Variants in CELF2 observed in about 807,000 individuals in gnomAD.
CELF2 encodes the protein CUG triplet repeat RNA-binding protein 2.
In CELF2, 8 loss-of-function variants were observed where a neutral mutation model predicts 62.6. The ratio of observed to expected loss-of-function variants is 0.13; its 90% CI spans 0.07 to 0.23. The LOEUF is 0.23. CELF2 is among the 10% of genes least tolerant of loss of function. The pLI is 1.00. For synonymous variants in CELF2, 258 were observed against 250.0 expected (o/e 1.03, Z -0.30); for missense variants, 333 against 671.0 (o/e 0.50, Z 5.56).
At chr10:11,067,089 C>G (rs999255544) in intron 1 of CELF2, among the ~76,000 whole-genome samples, 1 of 152,126 alleles carries the variant, frequency 6.6e-6, no homozygotes, top group African/African-American at 2.4e-5. Context: ...TAATGTCACT[C>G]TAGCTTTTTT....
At position 10,993,170 on chromosome 10, in the gene CELF2, C is replaced by T. The variant is rs1000899064; in HGVS notation, c.89+73171C>T. 7.2e-5 allele frequency among the ~76,000 whole-genome samples: 11 copies of T among 152,068 alleles called. No homozygotes were observed. Among genetic ancestry groups the T allele is most frequent in the African/African-American group, 2.6e-4 (11 of 41,530 alleles). ...GATCAGTAATAAGGTGTATGAGCTA[C>T]AAAATAACTGTTGCTTCCCTTCTGT... On this transcript the variant is annotated intron_variant, in intron 2 of 13. Coordinates refer to the CELF2 transcript ENST00000636488. The surrounding 1 kb of genome is among the most constrained non-coding windows in gnomAD (Gnocchi z 5.3).
intron 1 of CELF2, among the ~76,000 whole-genome samples, chr10:11,154,975 T>A (rs973006312): frequency 1.3e-5 from 2 of 152,194 alleles, no homozygotes; most frequent in Non-Finnish European, 2.9e-5. Flanking sequence ...GTTGTTGCAT[T>A]GAATGACAGC....
chr10:10,689,190 A>G, the CELF2 span, among the ~76,000 whole-genome samples: 4 of 152,192 alleles, frequency 2.6e-5, no homozygotes, highest in African/African-American at 9.7e-5. Flanking sequence ...CAGATTTAAC[A>G]GGAAGCATTA....
At chr10:10,809,739 T>C (rs1459106964) in intron 1 of CELF2, among the ~76,000 whole-genome samples, 1 of 152,344 alleles carries the variant, frequency 6.6e-6, no homozygotes, top group East Asian at 1.9e-4. Flanking sequence ...GCAAACATTA[T>C]GAAACAATTA....
At chr10:10,507,562 T>A in the CELF2 span, among the ~76,000 whole-genome samples, 1 of 152,046 alleles carries the variant, frequency 6.6e-6, no homozygotes, top group Non-Finnish European at 1.5e-5. Context: ...ATTAGCATGA[T>A]CCCACTAGCT....
At chr10:10,902,988 G>A (rs77775637) in intron 1 of CELF2, among the ~76,000 whole-genome samples, 4,936 of 151,760 alleles carry the variant, frequency 0.033, 279 homozygotes, top group African/African-American at 0.11. Flanking sequence ...GAGGAAGAAA[G>A]GAGAGGAAAG....
intron 1 of CELF2, among the ~76,000 whole-genome samples, chr10:10,907,866 C>G (rs1244014164): frequency 6.6e-6 from 1 of 152,058 alleles, no homozygotes; most frequent in Non-Finnish European, 1.5e-5. Flanking sequence ...TGATGGATAC[C>G]ACATTTAATC....
chr10:11,205,324 T>A (rs1286192214), intron 2 of CELF2, among the ~76,000 whole-genome samples: 1 of 152,188 alleles, frequency 6.6e-6, no homozygotes, highest in Non-Finnish European at 1.5e-5. Context: ...GTTATAAAAG[T>A]GGAGTAAAGC....
At chr10:10,675,523 A>T in the CELF2 span, among the ~76,000 whole-genome samples, 41,413 of 151,832 alleles carry the variant, frequency 0.27, 6,106 homozygotes, top group South Asian at 0.52. Context: ...TGTCTGACAT[A>T]AATTTAGGGA....
At position 10,997,650 on chromosome 10, in the gene CELF2, T is replaced by C. The variant is rs2054101243; in HGVS notation, c.89+77651T>C. ...GAAAGGGAGTTGCTTGTGCCTTTGCTTCCTCTAAAAATAGCAAGAATAAAT... is the reference window on the plus strand; with the variant it reads ...GAAAGGGAGTTGCTTGTGCCTTTGCCTCCTCTAAAAATAGCAAGAATAAAT... On this transcript the variant is annotated intron_variant, in intron 2 of 13. Transcript: ENST00000636488. This position sits in a 1 kb window ranked among gnomAD's most constrained non-coding sequence, Gnocchi z 5.3. Among the ~76,000 whole-genome samples, 1 of 152,216 alleles carries C rather than the reference T, an allele frequency of 6.6e-6. No homozygotes were observed. The highest frequency in any genetic ancestry group is 2.1e-4 in the South Asian group (1 of 4,828).
rs531376174 is a variant in CELF2 at position 10,962,386 on chromosome 10, G to A, written c.89+42387G>A. Among the ~76,000 whole-genome samples the A allele has an allele frequency of 3.3e-5, 5 of 152,296 alleles. No individual in the cohort carries two copies. The South Asian group carries it at 1.0e-3, about 32-fold the overall frequency. On this transcript the variant is annotated intron_variant, in intron 2 of 13. Transcript: ENST00000636488. ...TAAGACCAGAATTCTGCCCTAAGGG[G>A]CTTTTGTGCTTGAAGTATCAAACAA...
chr10:11,229,923 G>A (rs901248367), intron 3 of CELF2, among the ~76,000 whole-genome samples: 26 of 152,160 alleles, frequency 1.7e-4, no homozygotes, highest in African/African-American at 5.8e-4. Flanking sequence ...TGATTCCAGT[G>A]TGCAGGCAAG....
chr10:11,310,118 C>T (rs544493697), intron 9 of CELF2, among the ~76,000 whole-genome samples: 3 of 152,198 alleles, frequency 2.0e-5, no homozygotes, highest in Admixed American at 1.3e-4. Context: ...TAGCGTAGAG[C>T]TTCCCCTCCA....
the CELF2 span, among the ~76,000 whole-genome samples, chr10:10,679,842 T>TC: frequency 6.6e-6 from 1 of 152,230 alleles, no homozygotes; most frequent in Non-Finnish European, 1.5e-5. Flanking sequence ...TATTCCTTTT[T>TC]CTCCTTCAAT....
At chr10:11,202,789 G>A (rs1241057032) in intron 2 of CELF2, among the ~76,000 whole-genome samples, 1 of 152,064 alleles carries the variant, frequency 6.6e-6, no homozygotes, top group Non-Finnish European at 1.5e-5. Flanking sequence ...GCACAATTAG[G>A]AAGCAGGAGA....
Position 11,321,061 on chromosome 10 carries a change from CAG to C in CELF2, c.1097-127_1097-126del. On this transcript the variant is annotated intron_variant, in intron 10 of 12. Coordinates refer to ENST00000633077, the MANE Select transcript of CELF2 (RefSeq NM_001326342.2). This position sits in a 1 kb window ranked among gnomAD's most constrained non-coding sequence, Gnocchi z 6.2. ...CATGGTTTCATTTTTAGTTTCCTGT[CAG>C]TGTAATTGTGTGCTAGCTGCATGTA... The C allele has an allele frequency of 2.3e-6, 3 of 1,296,468 alleles. No individual in the cohort carries two copies. The highest frequency in any genetic ancestry group is 2.2e-6 in the Non-Finnish European group (2 of 920,166). 80.3% of individuals were successfully genotyped at this position (1,296,468 alleles called of 1,614,324 possible).
At chr10:11,057,053 T>C (rs1297722079) in intron 1 of CELF2, among the ~76,000 whole-genome samples, 1 of 152,176 alleles carries the variant, frequency 6.6e-6, no homozygotes, top group East Asian at 1.9e-4. Flanking sequence ...GAGGCTGTGC[T>C]GGGGCAATTA....
intron 1 of CELF2, among the ~76,000 whole-genome samples, chr10:10,866,206 C>A (rs2060348427): frequency 1.3e-5 from 2 of 152,162 alleles, no homozygotes; most frequent in African/African-American, 4.8e-5. Context: ...TACAATTGGA[C>A]AAGGCCTACA....
At chr10:10,746,602 C>A in the CELF2 span, among the ~76,000 whole-genome samples, 1 of 152,176 alleles carries the variant, frequency 6.6e-6, no homozygotes, top group African/African-American at 2.4e-5. Context: ...ATCCTTCTGA[C>A]CTCCCTCTGC....
Sources: gnomAD v4.1 joint callset for allele counts (sites outside exome capture counted in the v4.1 genomes callset) on GRCh38, gnomAD v4.1.1 for gene constraint, Gnocchi (gnomAD v3.1) non-coding constraint, MANE v1.5 for transcripts, NCBI Gene and HGNC (gene_info 2026-07-23, HGNC 2026-07-21) for gene names.